The following DPP6 variants were observed in gnomAD, a reference collection of about 807,000 sequenced individuals.
The protein encoded by DPP6 is A-type potassium channel modulatory protein DPP6.
DPP6 carries 69 observed loss-of-function variants against 122.6 expected under a neutral mutation model. The ratio of observed to expected loss-of-function variants is 0.56; its 90% CI spans 0.46 to 0.69. The LOEUF (loss-of-function observed/expected upper bound fraction) is 0.69. Among genes scored for constraint, DPP6 ranks in the 30% least tolerant of loss-of-function variants. The pLI, the probability that DPP6 is intolerant of heterozygous loss-of-function variation, is 0.00. For missense variants in DPP6, 928 were observed against 1,116.9 expected (o/e 0.83, Z 2.41); for synonymous variants, 418 against 433.1 (o/e 0.97, Z 0.43).
At chr7:153,849,965 A>G in the DPP6 span, among the ~76,000 whole-genome samples, 2 of 152,206 alleles carry the variant, frequency 1.3e-5, no homozygotes, top group Admixed American at 6.5e-5. Flanking sequence ...GGACCCATTC[A>G]TAATTATTGA....
At chr7:154,431,168 GC>G (rs542818474) in intron 1 of DPP6, among the ~76,000 whole-genome samples, 131 of 152,336 alleles carry the variant, frequency 8.6e-4, no homozygotes, top group African/African-American at 3.0e-3. Flanking sequence ...CCTGAGAACA[GC>G]TGCCAAGGAT....
chr7:154,102,022 A>G (rs1257778044), intron 1 of DPP6, among the ~76,000 whole-genome samples: 1 of 151,326 alleles, frequency 6.6e-6, no homozygotes, highest in Non-Finnish European at 1.5e-5. Context: ...TCATTCATTC[A>G]GTAAACATTG....
intron 1 of DPP6, among the ~76,000 whole-genome samples, chr7:154,331,474 AG>A (rs1376957328): frequency 7.9e-5 from 12 of 152,240 alleles, no homozygotes; most frequent in African/African-American, 2.7e-4. Context: ...TGAGCCACTC[AG>A]GCTTTTGATT....
intron 16 of DPP6, among the ~76,000 whole-genome samples, chr7:154,822,604 G>A (rs1001211334): frequency 3.9e-5 from 6 of 152,112 alleles, no homozygotes; most frequent in African/African-American, 1.4e-4. Context: ...GGGTTCAGGG[G>A]ACAAGAAGAC....
At chr7:154,590,129 G>A (rs1000838043) in intron 5 of DPP6, among the ~76,000 whole-genome samples, 9 of 152,044 alleles carry the variant, frequency 5.9e-5, no homozygotes, top group Admixed American at 5.2e-4. Flanking sequence ...ATTTGCTCTC[G>A]GGTACCACTA....
intron 1 of DPP6, among the ~76,000 whole-genome samples, chr7:154,154,758 CT>C (rs1308993275): frequency 6.6e-6 from 1 of 152,176 alleles, no homozygotes; most frequent in East Asian, 1.9e-4. Flanking sequence ...TTTAAAAGAA[CT>C]TTACTCATAC....
At chr7:153,935,938 G>T (rs1801415985) in intron 1 of DPP6, among the ~76,000 whole-genome samples, 1 of 152,230 alleles carries the variant, frequency 6.6e-6, no homozygotes, top group South Asian at 2.1e-4. Flanking sequence ...GCCCGGAGCT[G>T]TGCTCATGAT....
rs540637442 is a variant in DPP6, at chr7:154,091,070, G to A, written c.243+38007G>A. On this transcript the variant is annotated intron_variant, in intron 1 of 25. Coordinates refer to ENST00000377770, the MANE Select transcript of DPP6 (RefSeq NM_130797.4). Reference sequence around the variant, plus strand: ...CAGGAGGTGGAGCTTGCAGTGAGCCGAGACTGCGCCACTGCACTCCAGCTT... The same window carrying A: ...CAGGAGGTGGAGCTTGCAGTGAGCCAAGACTGCGCCACTGCACTCCAGCTT... 2.0e-5 allele frequency among the ~76,000 whole-genome samples: 3 copies of A among 151,078 alleles called. No homozygotes were observed. In the East Asian group the frequency reaches 5.9e-4, roughly 30 times the overall value.
chr7:153,835,690 G>T, the DPP6 span, among the ~76,000 whole-genome samples: 3 of 152,124 alleles, frequency 2.0e-5, no homozygotes, highest in Admixed American at 2.0e-4. Context: ...ATTGGTGTTA[G>T]GAACTTAAAA....
the DPP6 span, among the ~76,000 whole-genome samples, chr7:153,834,518 T>C: frequency 6.6e-6 from 1 of 152,094 alleles, no homozygotes; most frequent in African/African-American, 2.4e-5. Context: ...AAAGGTTAAA[T>C]TGTACAATAA....
At chr7:154,359,182 T>TG (rs1048365248) in intron 1 of DPP6, among the ~76,000 whole-genome samples, 9 of 152,212 alleles carry the variant, frequency 5.9e-5, no homozygotes, top group African/African-American at 1.9e-4. Context: ...TGGTGCACTC[T>TG]GGGACAAGCC....
chr7:154,106,630 C>T (rs563249987), intron 1 of DPP6, among the ~76,000 whole-genome samples: 11 of 150,752 alleles, frequency 7.3e-5, no homozygotes, highest in South Asian at 4.2e-4. Flanking sequence ...TGGGGGTGCA[C>T]GTGGGTGAAG....
intron 16 of DPP6, among the ~76,000 whole-genome samples, chr7:154,849,333 T>C (rs1306690516): frequency 6.6e-6 from 1 of 152,240 alleles, no homozygotes; most frequent in Non-Finnish European, 1.5e-5. Context: ...TCCATTTATT[T>C]GTGTCGTCTC....
intron 3 of DPP6, among the ~76,000 whole-genome samples, chr7:154,531,942 A>G (rs1375235211): frequency 7.9e-5 from 12 of 152,140 alleles, no homozygotes; most frequent in African/African-American, 2.9e-4. Context: ...TAAAATTCTA[A>G]AGATATTTAA....
At chr7:153,998,152 G>T (rs903418465) in intron 1 of DPP6, among the ~76,000 whole-genome samples, 2 of 151,890 alleles carry the variant, frequency 1.3e-5, no homozygotes, top group Non-Finnish European at 2.9e-5. Context: ...TACAGTCCAA[G>T]TTCAGCTTCA....
chr7:154,730,281 A>G (rs887955134), intron 8 of DPP6, among the ~76,000 whole-genome samples: 1 of 152,116 alleles, frequency 6.6e-6, no homozygotes, highest in African/African-American at 2.4e-5. Context: ...TCAGAACATG[A>G]GTGGTTCAAA....
intron 1 of DPP6, among the ~76,000 whole-genome samples, chr7:153,894,858 A>C (rs1473324580): frequency 6.6e-6 from 1 of 152,222 alleles, no homozygotes; most frequent in Admixed American, 6.5e-5. Context: ...GCCTAAGGAA[A>C]TAATTATAAC....
intron 1 of DPP6, among the ~76,000 whole-genome samples, chr7:154,267,598 T>C (rs1379216440): frequency 6.6e-6 from 1 of 151,212 alleles, no homozygotes; most frequent in Non-Finnish European, 1.5e-5. Context: ...TACATATATA[T>C]GTGCATGTAT....
chr7:153,954,601 A>T (rs547051402), intron 1 of DPP6, among the ~76,000 whole-genome samples: 1 of 152,292 alleles, frequency 6.6e-6, no homozygotes, highest in East Asian at 1.9e-4. Context: ...TTTTTGGAAG[A>T]GAGATTAAAT....
Sources: allele counts gnomAD v4.1 joint callset (sites outside exome capture counted in the v4.1 genomes callset), GRCh38; gene constraint gnomAD v4.1.1; transcripts MANE v1.5; gene names NCBI Gene and HGNC (gene_info 2026-07-23, HGNC 2026-07-21).